DENND2A: variants seen among roughly 807,000 people sequenced by gnomAD.
DENND2A encodes DENN domain containing 2A.
Under a neutral mutation model 105.3 loss-of-function variants are expected in DENND2A, and 53 were observed. The observed-to-expected ratio is 0.50, with a 90% CI of 0.40 to 0.63. DENND2A has a LOEUF of 0.63. DENND2A is among the 30% of genes least tolerant of loss of function. The probability of loss-of-function intolerance (pLI) is 0.00; values close to 1 mark genes in which losing one functional copy is unlikely to be tolerated. For synonymous variants in DENND2A, 522 were observed against 508.4 expected, an observed-to-expected ratio of 1.03 and a Z score of -0.36; for missense variants, 1,138 against 1,279.6, an observed-to-expected ratio of 0.89 and a Z score of 1.69.
intron 14 of DENND2A, among the ~76,000 whole-genome samples, chr7:140,529,246 G>T (rs542552146): frequency 4.5e-4 from 68 of 152,196 alleles, no homozygotes; most frequent in Non-Finnish European, 8.8e-4. Context: ...ATCACCTGAG[G>T]TCAGCAGTTC....
At chr7:140,574,869 A>T (rs1461482303) in intron 5 of DENND2A, among the ~76,000 whole-genome samples, 2 of 151,848 alleles carry the variant, frequency 1.3e-5, no homozygotes, top group African/African-American at 4.8e-5. Context: ...AATACAAAAA[A>T]ATTAGCCAGG....
Position 140,560,077 on chromosome 7 carries a change from T to G in DENND2A, c.1780-260A>C, listed in dbSNP as rs568487330. 7.2e-5 allele frequency among the ~76,000 whole-genome samples: 11 copies of G among 152,212 alleles called. No individual in the cohort carries two copies. In the South Asian group the frequency reaches 2.3e-3, roughly 32 times the overall value. ...ATTCTCTATGCTTGACATTCTAGAA[T>G]GTAACTATTTCAGTGAATTAAAAAA... On this transcript the variant is annotated intron_variant, in intron 9 of 19. Transcript: ENST00000496613.
chr7:140,632,504 C>G (rs1422139547), intron 1 of DENND2A, among the ~76,000 whole-genome samples: 1 of 152,166 alleles, frequency 6.6e-6, no homozygotes, highest in African/African-American at 2.4e-5. Flanking sequence ...CCACAAGGTG[C>G]AGTTTGCAGG....
At chr7:140,548,602 T>C (rs986159657) in intron 12 of DENND2A, among the ~76,000 whole-genome samples, 1 of 150,946 alleles carries the variant, frequency 6.6e-6, no homozygotes, top group Non-Finnish European at 1.5e-5. Flanking sequence ...AATTCAGAGG[T>C]TTTTTTACTT....
chr7:140,580,191 T>A (rs1465799292), intron 5 of DENND2A, among the ~76,000 whole-genome samples: 1 of 152,234 alleles, frequency 6.6e-6, no homozygotes, highest in Non-Finnish European at 1.5e-5. Flanking sequence ...TGGACGAGTT[T>A]TTTTCTTCAT....
chr7:140,591,690 T>TTTCC (rs34439635), intron 3 of DENND2A, among the ~76,000 whole-genome samples: 3 of 138,586 alleles, frequency 2.2e-5, no homozygotes, highest in South Asian at 2.3e-4. Flanking sequence ...TCTTTCTTTC[T>TTTCC]TTCCTTCCTT....
chr7:140,553,003 TC>T (rs1278205199), intron 12 of DENND2A, among the ~76,000 whole-genome samples: 3 of 152,002 alleles, frequency 2.0e-5, no homozygotes, highest in Non-Finnish European at 2.9e-5. Context: ...GGGTTGCCCC[TC>T]CACACCTGTT....
At chr7:140,521,046 CTTTAT>C (rs1563113771) in intron 18 of DENND2A, among the ~76,000 whole-genome samples, 2 of 143,416 alleles carry the variant, frequency 1.4e-5, no homozygotes, top group African/African-American at 5.2e-5. Context: ...GGCTAATTTT[CTTTAT>C]TTTTAGTAGA....
intron 1 of DENND2A, among the ~76,000 whole-genome samples, chr7:140,624,849 GTTTTTTTTGTTTTTTTTTGT>G (rs760994245): frequency 7.6e-6 from 1 of 131,238 alleles, no homozygotes; most frequent in African/African-American, 3.2e-5. Flanking sequence ...GTTTTTCTTT[GTTTTTTTTGTTTTTTTTTGT>G]TTTTTTTTTT....
intron 3 of DENND2A, among the ~76,000 whole-genome samples, chr7:140,594,628 C>A (rs1799209462): frequency 6.6e-6 from 1 of 152,212 alleles, no homozygotes; most frequent in African/African-American, 2.4e-5. Flanking sequence ...CCCGTGAGGA[C>A]AGAGTCTCCG....
chr7:140,523,249 G>A lies in DENND2A; in HGVS notation c.2665+58C>T. 1.3e-6 allele frequency: 2 copies of A among 1,558,320 alleles called. No homozygotes were observed. Among genetic ancestry groups the A allele is most frequent in the Non-Finnish European group, 1.8e-6 (2 of 1,129,556 alleles). On this transcript the variant is annotated intron_variant, in intron 17 of 19. Coordinates refer to ENST00000496613, the MANE Select transcript of DENND2A (RefSeq NM_015689.5). This position sits in a 1 kb window ranked among gnomAD's most constrained non-coding sequence, Gnocchi z 4.5. ...CTTGGCCCTTGGCCACTGCCCATTT[G>A]TTCCCTGACCCTCAGAGTGGAAGGG...
At position 140,527,243 on chromosome 7, in the gene DENND2A, A is replaced by G; in HGVS notation, c.2505+75T>C. The G allele has an allele frequency of 7.0e-7, 1 of 1,425,028 alleles. No homozygotes were observed. The highest frequency in any genetic ancestry group is 9.3e-7 in the Non-Finnish European group (1 of 1,071,898). 88.3% of individuals were successfully genotyped at this position (1,425,028 alleles called of 1,614,324 possible). On this transcript the variant is annotated intron_variant, in intron 15 of 19. Transcript: ENST00000496613. The surrounding 1 kb of genome is among the most constrained non-coding windows in gnomAD (Gnocchi z 4.9). Reference sequence around the variant, plus strand: ...TGCTGGCTCTGAGAACCGCTCCATGATGCCTGCAGAGCCAGCGCCCCGCTC... The same window carrying G: ...TGCTGGCTCTGAGAACCGCTCCATGGTGCCTGCAGAGCCAGCGCCCCGCTC...
chr7:140,639,447 C>A (rs528781040), intron 1 of DENND2A, among the ~76,000 whole-genome samples: 44 of 151,012 alleles, frequency 2.9e-4, no homozygotes, highest in Admixed American at 2.2e-3. Flanking sequence ...CTGACACACA[C>A]ACACACACAC....
Position 140,518,561 on chromosome 7 carries a change from G to T in DENND2A, c.*146C>A. 1 of 758,320 alleles carries T rather than the reference G, an allele frequency of 1.3e-6. No individual in the cohort carries two copies. The highest frequency in any genetic ancestry group is 2.1e-6 in the Non-Finnish European group (1 of 480,052). The allele number at this position is 758,320 out of a possible 1,614,324, so 47.0% of individuals were successfully genotyped here. ...GGCGGCTCCCAGGTCCTCATCCAGG[G>T]AAGAGCCCAGCCTCGGCCAGAAGCC... is the stretch of plus-strand genomic sequence containing the variant. On this transcript the variant is annotated 3_prime_UTR_variant, in exon 20 of 20. Coordinates refer to ENST00000496613, the MANE Select transcript of DENND2A (RefSeq NM_015689.5).
intron 1 of DENND2A, among the ~76,000 whole-genome samples, chr7:140,639,485 C>T (rs1021213508): frequency 2.0e-5 from 3 of 152,182 alleles, no homozygotes; most frequent in Admixed American, 6.5e-5. Context: ...TACTTCCTCT[C>T]GGAGTTCTGC....
At position 140,518,641 on chromosome 7, in the gene DENND2A, G is replaced by A; in HGVS notation, c.*66C>T. On this transcript the variant is annotated 3_prime_UTR_variant, in exon 20 of 20. Transcript: ENST00000496613. ...ACCTGGGACCCAGCCTTTCAGAAAGGCCACCAGGAACTGTTTTTAAAGCAT... is the reference window on the plus strand; with the variant it reads ...ACCTGGGACCCAGCCTTTCAGAAAGACCACCAGGAACTGTTTTTAAAGCAT... The A allele has an allele frequency of 1.3e-6, 2 of 1,544,234 alleles. No homozygotes were observed. The highest frequency in any genetic ancestry group is 1.7e-5 in the Admixed American group (1 of 58,724).
In DENND2A at chr7:140,546,789, G is replaced by T. The variant is rs1459545463; in HGVS notation, c.2178+10C>A. ...CTCCCCAGGGAGAAGGAAGGAGTCT[G>T]ACAACTCACCTCAGTTCCTGAACCT... On this transcript the variant is annotated intron_variant, in intron 13 of 19. Coordinates refer to ENST00000496613, the MANE Select transcript of DENND2A (RefSeq NM_015689.5). The T allele has an allele frequency of 6.2e-7, 1 of 1,613,806 alleles. No individual in the cohort carries two copies. Among genetic ancestry groups the T allele is most frequent in the Non-Finnish European group, 8.5e-7 (1 of 1,179,840 alleles).
chr7:140,556,393 C>T (rs893812663), intron 11 of DENND2A, among the ~76,000 whole-genome samples: 9 of 152,028 alleles, frequency 5.9e-5, no homozygotes, highest in Admixed American at 3.3e-4. Flanking sequence ...GACTGGAGTG[C>T]AGCGACGCGA....
chr7:140,615,532 C>CTTT (rs57498403), intron 1 of DENND2A, among the ~76,000 whole-genome samples: 41 of 140,952 alleles, frequency 2.9e-4, no homozygotes, highest in African/African-American at 6.3e-4. Flanking sequence ...AGGAGTTCTG[C>CTTT]TTTTTTTTTT....
Sources: gnomAD v4.1 joint callset for allele counts (sites outside exome capture counted in the v4.1 genomes callset) on GRCh38, gnomAD v4.1.1 for gene constraint, Gnocchi (gnomAD v3.1) non-coding constraint, MANE v1.5 for transcripts, NCBI Gene and HGNC (gene_info 2026-07-23, HGNC 2026-07-21) for gene names.